Variants in F2R observed in about 807,000 individuals in gnomAD.
F2R encodes the protein coagulation factor II thrombin receptor.
A neutral mutation model predicts 18.3 loss-of-function variants in F2R; 12 were observed. That is an observed-to-expected ratio of 0.66 (90% CI 0.42 to 1.06). F2R has a LOEUF of 1.06. Among genes scored for constraint, F2R ranks in the 50% least tolerant of loss-of-function variants. The probability of loss-of-function intolerance (pLI) is 0.00; values close to 1 mark genes in which losing one functional copy is unlikely to be tolerated. For synonymous variants in F2R, 210 were observed against 219.9 expected, an observed-to-expected ratio of 0.95 and a Z score of 0.40; for missense variants, 438 against 530.8, an observed-to-expected ratio of 0.83 and a Z score of 1.72.
At position 76,734,241 on chromosome 5, in the gene F2R, T is replaced by A. The variant is rs1217789098; in HGVS notation, c.*738T>A. ...CTGAGCATAAGTCCTCTAGTGAATGTAGGCTGGCTTTCAGAGTAGGCTATT... is the reference window on the plus strand; with the variant it reads ...CTGAGCATAAGTCCTCTAGTGAATGAAGGCTGGCTTTCAGAGTAGGCTATT... On this transcript the variant is annotated 3_prime_UTR_variant, in exon 2 of 2. Coordinates refer to ENST00000319211, the MANE Select transcript of F2R (RefSeq NM_001992.5). 1 of 152,350 alleles carries A rather than the reference T, an allele frequency of 6.6e-6. No homozygotes were observed. Among genetic ancestry groups the A allele is most frequent in the African/African-American group, 2.4e-5 (1 of 41,438 alleles). 9.4% of individuals were successfully genotyped at this position (152,350 alleles called of 1,614,324 possible).
Position 76,716,154 on chromosome 5 carries a change from G to T in F2R, c.-154G>T, listed in dbSNP as rs113795600. The T allele has an allele frequency of 4.0e-6, 2 of 502,898 alleles. No homozygotes were observed. The highest frequency in any genetic ancestry group is 6.3e-6 in the Non-Finnish European group (2 of 316,324). 31.2% of individuals were successfully genotyped at this position (502,898 alleles called of 1,614,324 possible). A position where few individuals can be genotyped will look rare whatever the true frequency, so the allele number is the denominator to read the frequency against. ...CGCCCCAGACACAGCGCTCGCCGAG[G>T]GTCGCTTGGACCCTGATCTTACCCG... is the stretch of plus-strand genomic sequence containing the variant. On this transcript the variant is annotated 5_prime_UTR_variant, in exon 1 of 2. Transcript: ENST00000319211.
intron 1 of F2R, among the ~76,000 whole-genome samples, chr5:76,720,621 ATCCTGTCATT>A (rs1748431672): frequency 1.3e-5 from 2 of 152,062 alleles, no homozygotes; most frequent in Admixed American, 1.3e-4. Flanking sequence ...TACTTCCAAA[ATCCTGTCATT>A]TCCCCGAAAG....
Position 76,733,379 on chromosome 5 carries a change from T to G in F2R, c.1154T>G (p.Ile385Ser). 1.9e-6 allele frequency: 3 copies of G among 1,614,174 alleles called. No individual in the cohort carries two copies. The South Asian group carries it at 3.3e-5, about 18-fold the overall frequency. Residue 385 changes from isoleucine (I) to serine (S), a missense_variant, in exon 2 of 2, where the codon ATC (isoleucine) becomes AGC (serine). Ile to Ser is a moderately radical substitution (Grantham distance 142, BLOSUM62 -2). Coordinates refer to ENST00000319211, the MANE Select transcript of F2R (RefSeq NM_001992.5). Reference protein sequence around the residue: ...SSECQRYVYSILCCKESSDPS... With the variant: ...SSECQRYVYSSLCCKESSDPS... ...GAGTGCCAGAGGTACGTCTACAGTA[T>G]CTTATGCTGCAAAGAAAGTTCCGAT... is the stretch of plus-strand genomic sequence containing the variant.
chr5:76,724,995 C>G (rs1748530649), intron 1 of F2R, among the ~76,000 whole-genome samples: 1 of 152,158 alleles, frequency 6.6e-6, no homozygotes, highest in African/African-American at 2.4e-5. Flanking sequence ...TCTCTTTAGC[C>G]TGTAGTGTTG....
intron 1 of F2R, among the ~76,000 whole-genome samples, chr5:76,727,337 G>A (rs1433250042): frequency 6.6e-6 from 1 of 152,232 alleles, no homozygotes; most frequent in African/African-American, 2.4e-5. Context: ...ATTCAGAGAA[G>A]TTAAGTGATC....
In F2R at chr5:76,732,364, A is replaced by G. The variant is rs973086932; in HGVS notation, c.139A>G (p.Asn47Asp). 3.1e-6 allele frequency: 5 copies of G among 1,613,304 alleles called. No individual in the cohort carries two copies. The South Asian group carries it at 4.4e-5, about 14-fold the overall frequency. Reference protein sequence around the residue: ...TLDPRSFLLRNPNDKYEPFWE... With the variant: ...TLDPRSFLLRDPNDKYEPFWE... ...AGATCCCCGGTCATTTCTTCTCAGG[A>G]ACCCCAATGATAAATATGAACCATT... Residue 47 changes from asparagine to aspartate, a missense_variant, in exon 2 of 2, where the codon AAC becomes GAC. By Grantham distance (23) the Asn-to-Asp change is conservative (BLOSUM62 1). Transcript: ENST00000319211.
At chr5:76,716,967 T>TA (rs1748358964) in intron 1 of F2R, among the ~76,000 whole-genome samples, 1 of 152,096 alleles carries the variant, frequency 6.6e-6, no homozygotes, top group Non-Finnish European at 1.5e-5. Context: ...GGGTGCGAGA[T>TA]ATATGGTGAC....
Position 76,721,420 on chromosome 5 carries a change from G to C in F2R, c.88+5025G>C, listed in dbSNP as rs111343436. 9.9e-5 allele frequency among the ~76,000 whole-genome samples: 15 copies of C among 152,272 alleles called. 1 individual carries two copies. The highest frequency in any genetic ancestry group is 4.1e-4 in the South Asian group (2 of 4,828). ...AGATACCGTCTCCCACACTGACCTT[G>C]TCGTGGTACTTGGAGGAAGCCACTT... is the stretch of plus-strand genomic sequence containing the variant. On this transcript the variant is annotated intron_variant, in intron 1 of 1. Coordinates refer to ENST00000319211, the MANE Select transcript of F2R (RefSeq NM_001992.5).
At chr5:76,727,270 T>G (rs1748577684) in intron 1 of F2R, among the ~76,000 whole-genome samples, 1 of 152,228 alleles carries the variant, frequency 6.6e-6, no homozygotes, top group African/African-American at 2.4e-5. Context: ...ATGCTCCAGT[T>G]GCCAGATTTG....
At position 76,732,553 on chromosome 5, in the gene F2R, A is replaced by C; in HGVS notation, c.328A>C (p.Thr110Pro). 6.2e-7 allele frequency: 1 copy of C among 1,614,172 alleles called. No homozygotes were observed. Among genetic ancestry groups the C allele is most frequent in the Non-Finnish European group, 8.5e-7 (1 of 1,180,034 alleles). The change falls in exon 2 of 2, where the codon ACC becomes CCC. Residue 110 changes from threonine (T) to proline (P), a missense_variant. Transcript: ENST00000319211. ...GACACTCTTTGTCCCATCTGTGTACACCGGAGTGTTTGTAGTCAGCCTCCC... is the reference window on the plus strand; with the variant it reads ...GACACTCTTTGTCCCATCTGTGTACCCCGGAGTGTTTGTAGTCAGCCTCCC... The part of the protein sequence containing the change: ...WLTLFVPSVY[T>P]GVFVVSLPLN...
intron 1 of F2R, among the ~76,000 whole-genome samples, chr5:76,719,959 T>A (rs1314993252): frequency 1.3e-5 from 2 of 152,194 alleles, no homozygotes; most frequent in Non-Finnish European, 2.9e-5. Flanking sequence ...CAAGAGATAT[T>A]GCTAGTAAAC....
chr5:76,727,911 A>G (rs1009240789), intron 1 of F2R, among the ~76,000 whole-genome samples: 7 of 145,396 alleles, frequency 4.8e-5, no homozygotes, highest in African/African-American at 1.5e-4. Flanking sequence ...TTTTAGAGAC[A>G]GAGTCTCACT....
intron 1 of F2R, among the ~76,000 whole-genome samples, chr5:76,727,994 C>T (rs959026215): frequency 2.6e-5 from 4 of 151,296 alleles, no homozygotes; most frequent in African/African-American, 9.7e-5. Context: ...CTCAACTTGT[C>T]CTCCCACCTG....
At position 76,733,564 on chromosome 5, in the gene F2R, C is replaced by G; in HGVS notation, c.*61C>G. 1 of 1,323,370 alleles carries G rather than the reference C, an allele frequency of 7.6e-7. No individual in the cohort carries two copies. Among genetic ancestry groups the G allele is most frequent in the Non-Finnish European group, 1.0e-6 (1 of 973,598 alleles). The allele number at this position is 1,323,370 out of a possible 1,614,324, so 82.0% of individuals were successfully genotyped here. On this transcript the variant is annotated 3_prime_UTR_variant, in exon 2 of 2. Transcript: ENST00000319211. ...TATAAAAGTGAATAACCTGAGGATT[C>G]TATTAGTCCCCACCCAAACTTTATT...
At chr5:76,727,807 T>C (rs2150582340) in intron 1 of F2R, among the ~76,000 whole-genome samples, 1 of 150,408 alleles carries the variant, frequency 6.6e-6, no homozygotes, top group Admixed American at 6.6e-5. Flanking sequence ...TTCTTCAAAA[T>C]CCTTATCTGC....
intron 1 of F2R, among the ~76,000 whole-genome samples, chr5:76,730,376 C>T (rs1212376187): frequency 1.3e-5 from 2 of 152,148 alleles, no homozygotes; most frequent in Non-Finnish European, 2.9e-5. Flanking sequence ...GAACTCTGTC[C>T]TCTGGTTCTG....
chr5:76,719,824 A>G (rs896098898), intron 1 of F2R, among the ~76,000 whole-genome samples: 1 of 152,222 alleles, frequency 6.6e-6, no homozygotes, highest in African/African-American at 2.4e-5. Context: ...GGCCCAGCAC[A>G]GGGAGGTATT....
Position 76,735,747 on chromosome 5 carries a change from A to G in F2R, c.*2244A>G, listed in dbSNP as rs928710861. On this transcript the variant is annotated 3_prime_UTR_variant, in exon 2 of 2. Coordinates refer to ENST00000319211, the MANE Select transcript of F2R (RefSeq NM_001992.5). ...ATTCTTAAAAACATAACCTGTATTA[A>G]TAAATGTGAACATTTGCTTGGTATC... 2 of 152,220 alleles carry G rather than the reference A, an allele frequency of 1.3e-5. No homozygotes were observed. Among genetic ancestry groups the G allele is most frequent in the Non-Finnish European group, 2.9e-5 (2 of 68,038 alleles). The allele number at this position is 152,220 out of a possible 1,614,324, so 9.4% of individuals were successfully genotyped here.
rs557592863 is a variant in F2R, at chr5:76,734,863, CTA to C, written c.*1362_*1363del. ...AAAATAAGTCTGATTTAATTGGGCA[CTA>C]TTTATTTACAAATGTTTTGCTCAAT... is the stretch of plus-strand genomic sequence containing the variant. On this transcript the variant is annotated 3_prime_UTR_variant, in exon 2 of 2. Coordinates refer to ENST00000319211, the MANE Select transcript of F2R (RefSeq NM_001992.5). The C allele has an allele frequency of 6.6e-6, 1 of 152,426 alleles. No individual in the cohort carries two copies. The highest frequency in any genetic ancestry group is 2.4e-5 in the African/African-American group (1 of 41,566). The allele number at this position is 152,426 out of a possible 1,614,324, so 9.4% of individuals were successfully genotyped here.
Sources: allele counts gnomAD v4.1 joint callset (sites outside exome capture counted in the v4.1 genomes callset), GRCh38; gene constraint gnomAD v4.1.1; transcripts MANE v1.5; gene names NCBI Gene and HGNC (gene_info 2026-07-23, HGNC 2026-07-21).